Variants in FAAH2 observed in about 807,000 individuals in gnomAD.
FAAH2 encodes fatty acid amide hydrolase 2.
FAAH2 carries 60 observed loss-of-function variants against 36.9 expected under a neutral mutation model. The ratio of observed to expected loss-of-function variants is 1.63; its 90% CI spans 1.32 to 2.02. The LOEUF is 2.02. Among genes scored for constraint, FAAH2 ranks in the 30% most tolerant of loss-of-function variants. FAAH2 has a pLI of 0.00. For missense variants in FAAH2, 689 were observed against 397.5 expected (o/e 1.73, Z -6.23); for synonymous variants, 214 against 143.8 (o/e 1.49, Z -3.49).
chrX:57,377,449 T>C (rs1463650898), intron 5 of FAAH2, among the ~76,000 whole-genome samples: 1 of 112,136 alleles, frequency 8.9e-6, no homozygotes, highest in Non-Finnish European at 1.9e-5. Flanking sequence ...AAAGACTAGA[T>C]TGTAGTAGAT....
chrX:57,255,986 G>T, the FAAH2 span, among the ~76,000 whole-genome samples: 1 of 111,828 alleles, frequency 8.9e-6, no homozygotes, highest in Non-Finnish European at 1.9e-5. Context: ...AAGTCAAATT[G>T]TCTCTGTTTG....
At chrX:57,325,204 G>C (rs1001982791) in intron 3 of FAAH2, among the ~76,000 whole-genome samples, 1 of 111,764 alleles carries the variant, frequency 8.9e-6, no homozygotes, top group Non-Finnish European at 1.9e-5. Context: ...TGATCATGGT[G>C]GATAAGCTTT....
the FAAH2 span, among the ~76,000 whole-genome samples, chrX:57,132,786 C>T: frequency 8.9e-6 from 1 of 112,547 alleles, no homozygotes; most frequent in East Asian, 2.8e-4. Context: ...GATGGCTTTC[C>T]ATCACATACA....
At chrX:57,438,959 C>G (rs2056481473) in intron 8 of FAAH2, among the ~76,000 whole-genome samples, 1 of 110,736 alleles carries the variant, frequency 9.0e-6, no homozygotes, top group African/African-American at 3.3e-5. Flanking sequence ...GCATAGTATT[C>G]CATGGTGTAT....
intron 7 of FAAH2, among the ~76,000 whole-genome samples, chrX:57,399,615 T>C (rs995983834): frequency 1.8e-5 from 2 of 111,594 alleles, no homozygotes; most frequent in Non-Finnish European, 3.8e-5. Flanking sequence ...TCTATTTCCC[T>C]TTTCTTTCCT....
chrX:57,461,383 A>T (rs1177292154), intron 10 of FAAH2, among the ~76,000 whole-genome samples: 2 of 111,551 alleles, frequency 1.8e-5, no homozygotes, highest in African/African-American at 6.5e-5. Context: ...CTTATTCTAA[A>T]ATTGACCACA....
At chrX:57,250,248 G>C in the FAAH2 span, among the ~76,000 whole-genome samples, 1 of 111,672 alleles carries the variant, frequency 9.0e-6, no homozygotes, top group Non-Finnish European at 1.9e-5. Context: ...ATCTGTAAGG[G>C]ATCAAAATAT....
chrX:57,137,654 G>A, the FAAH2 span: 8 of 111,415 alleles, frequency 7.2e-5, no homozygotes, highest in African/African-American at 2.6e-4. Context: ...TCACAACAGT[G>A]GAACCTGTAG....
At chrX:57,286,626 G>A, upstream of FAAH2, 1 of 341,261 alleles carries the variant, frequency 2.9e-6, no homozygotes, top group Non-Finnish European at 5.0e-6. Flanking sequence ...CACACAGGCA[G>A]CTGCTGGGAA....
intron 7 of FAAH2, among the ~76,000 whole-genome samples, chrX:57,427,961 A>G (rs961718830): frequency 8.9e-6 from 1 of 111,759 alleles, no homozygotes; most frequent in South Asian, 3.7e-4. Context: ...AAGTCAAATT[A>G]TTTCTGTTTG....
chrX:57,411,846 G>T (rs894448386), intron 7 of FAAH2, among the ~76,000 whole-genome samples: 1 of 111,506 alleles, frequency 9.0e-6, no homozygotes, highest in African/African-American at 3.3e-5. Flanking sequence ...GGAGTTTTTT[G>T]TTCCACCAGG....
At chrX:57,169,801 A>G in the FAAH2 span, among the ~76,000 whole-genome samples, 2 of 105,035 alleles carry the variant, frequency 1.9e-5, no homozygotes, top group Non-Finnish European at 3.9e-5. Flanking sequence ...TGCAAATTTC[A>G]GACTTACCAG....
intron 5 of FAAH2, among the ~76,000 whole-genome samples, chrX:57,345,629 G>A (rs2053802191): frequency 9.0e-6 from 1 of 110,672 alleles, no homozygotes; most frequent in African/African-American, 3.3e-5. Flanking sequence ...AATTTCATTG[G>A]TTCTACCCAA....
the FAAH2 span, among the ~76,000 whole-genome samples, chrX:57,170,697 A>ATGTGTGTG: frequency 1.0e-5 from 1 of 100,068 alleles, no homozygotes; most frequent in African/African-American, 3.8e-5. Flanking sequence ...TATTTACTTT[A>ATGTGTGTG]TGTGTGTGTG....
intron 5 of FAAH2, among the ~76,000 whole-genome samples, chrX:57,346,316 G>A (rs1260963992): frequency 4.5e-5 from 5 of 111,548 alleles, no homozygotes; most frequent in Non-Finnish European, 9.4e-5. Flanking sequence ...TTGGGTGCAT[G>A]TATATATAAG....
chrX:57,327,433 G>T (rs895381718), intron 3 of FAAH2, among the ~76,000 whole-genome samples: 2 of 109,858 alleles, frequency 1.8e-5, no homozygotes, highest in Non-Finnish European at 3.8e-5. Flanking sequence ...CCTGCAGAGT[G>T]TTTTCCAACT....
At chrX:57,415,910 T>C (rs1039529251) in intron 7 of FAAH2, among the ~76,000 whole-genome samples, 1 of 111,670 alleles carries the variant, frequency 9.0e-6, no homozygotes, top group Non-Finnish European at 1.9e-5. Context: ...TGGGTGCTCC[T>C]GTATTGGGTG....
chrX:57,399,603 C>T lies in FAAH2; in HGVS notation c.996+18574C>T, dbSNP rs769871631. The stretch of plus-strand genomic sequence containing the variant: ...GCTTCAATATCCACTTGGCGGTTCC[C>T]TTCTATTTCCCTTTTCTTTCCTTTC... On this transcript the variant is annotated intron_variant, in intron 7 of 10. Transcript: ENST00000374900. 2.8e-4 allele frequency among the ~76,000 whole-genome samples: 31 copies of T among 111,373 alleles called. 1 individual carries two copies. Among genetic ancestry groups the T allele is most frequent in the African/African-American group, 1.0e-3 (31 of 30,638 alleles).
At chrX:57,263,842 G>A in the FAAH2 span, among the ~76,000 whole-genome samples, 16 of 111,257 alleles carry the variant, frequency 1.4e-4, no homozygotes, top group Non-Finnish European at 5.7e-5. Flanking sequence ...ATTGGAGGAA[G>A]GACAGAAACA....
Sources: allele counts gnomAD v4.1 joint callset (sites outside exome capture counted in the v4.1 genomes callset), GRCh38; gene constraint gnomAD v4.1.1; transcripts MANE v1.5; gene names NCBI Gene and HGNC (gene_info 2026-07-23, HGNC 2026-07-21).